BORA: variants seen among roughly 807,000 people sequenced by gnomAD.
BORA encodes the protein BORA aurora kinase A activator.
Under a neutral mutation model 55.8 loss-of-function variants are expected in BORA, and 26 were observed. The observed-to-expected ratio is 0.47, with a 90% confidence interval of 0.34 to 0.65. BORA has a LOEUF of 0.65. Ranked by LOEUF, BORA falls within the 30% of genes least tolerant of loss-of-function variation. The pLI is 0.01. For synonymous variants in BORA, 201 were observed against 216.9 expected, an observed-to-expected ratio of 0.93 and a Z score of 0.64; for missense variants, 568 against 671.5, an observed-to-expected ratio of 0.85 and a Z score of 1.70.
At chr13:72,739,285 TC>T (rs1383987426) in intron 5 of BORA, among the ~76,000 whole-genome samples, 1 of 152,190 alleles carries the variant, frequency 6.6e-6, no homozygotes. Context: ...ATTCCAAGTA[TC>T]CTGTTTTAGT....
At chr13:72,741,189 G>A (rs1306933973) in intron 5 of BORA, among the ~76,000 whole-genome samples, 2 of 152,118 alleles carry the variant, frequency 1.3e-5, no homozygotes, top group African/African-American at 2.4e-5. Flanking sequence ...AGAATATATC[G>A]TTACCTAATC....
At chr13:72,730,487 A>G (rs2032788257) in intron 2 of BORA, among the ~76,000 whole-genome samples, 1 of 152,228 alleles carries the variant, frequency 6.6e-6, no homozygotes, top group South Asian at 2.1e-4. Context: ...ATGGTTGAGT[A>G]CAGAAAGGCA....
At chr13:72,746,337 C>T (rs943865648) in intron 9 of BORA, among the ~76,000 whole-genome samples, 164 bp from the exon 10 acceptor site, 1 of 152,160 alleles carries the variant, frequency 6.6e-6, no homozygotes, top group African/African-American at 2.4e-5. Flanking sequence ...TTAGCAATTT[C>T]CATTTGTGCT....
At chr13:72,739,368 A>G (rs182776376) in intron 5 of BORA, among the ~76,000 whole-genome samples, 1 of 152,334 alleles carries the variant, frequency 6.6e-6, no homozygotes, top group East Asian at 1.9e-4. Flanking sequence ...AGCCCACGAT[A>G]ACAGTGCAGT....
At chr13:72,738,260 A>G (rs1426517400) in intron 5 of BORA, among the ~76,000 whole-genome samples, 1 of 152,088 alleles carries the variant, frequency 6.6e-6, no homozygotes, top group African/African-American at 2.4e-5. Flanking sequence ...CTTTTTCTTC[A>G]TGACTATTGT....
At chr13:72,744,951 CT>C in intron 7 of BORA, 29 bp from the exon 8 acceptor site, 1 of 1,584,624 alleles carries the variant, frequency 6.3e-7, no homozygotes, top group Non-Finnish European at 8.7e-7. Flanking sequence ...AAATGACTAG[CT>C]TTGCCTTTTC....
At chr13:72,732,014 T>C (rs2032830007) in intron 3 of BORA, among the ~76,000 whole-genome samples, 1 of 152,226 alleles carries the variant, frequency 6.6e-6, no homozygotes, top group African/African-American at 2.4e-5. Flanking sequence ...TTACAAAGTG[T>C]AAGGTCCTAT....
chr13:72,741,232 A>ATCTGCACAG (rs1235280675), intron 5 of BORA, among the ~76,000 whole-genome samples: 2 of 152,206 alleles, frequency 1.3e-5, no homozygotes, highest in Non-Finnish European at 2.9e-5. Context: ...TCTCTAGAAT[A>ATCTGCACAG]TCTGCACAGT....
intron 1 of BORA, among the ~76,000 whole-genome samples, chr13:72,728,668 C>G (rs750712103): frequency 1.4e-4 from 21 of 152,210 alleles, no homozygotes; most frequent in Non-Finnish European, 2.8e-4. Flanking sequence ...TGCGTATAAG[C>G]CACTTCACTT....
intron 3 of BORA, among the ~76,000 whole-genome samples, 184 bp downstream of exon 3, chr13:72,731,571 T>C (rs2032817899): frequency 6.6e-6 from 1 of 152,236 alleles, no homozygotes; most frequent in African/African-American, 2.4e-5. Flanking sequence ...TTGCCAACAG[T>C]TCCAGACCTG....
chr13:72,744,301 C>T (rs544662997), intron 6 of BORA, among the ~76,000 whole-genome samples: 2 of 152,260 alleles, frequency 1.3e-5, no homozygotes, highest in African/African-American at 2.4e-5. Context: ...ACTATTAACA[C>T]GTTTACACCA....
At chr13:72,733,110 T>G (rs2032852326) in intron 3 of BORA, among the ~76,000 whole-genome samples, 1 of 152,218 alleles carries the variant, frequency 6.6e-6, no homozygotes, top group African/African-American at 2.4e-5. Flanking sequence ...ATAATATAAT[T>G]CAATGAATGG....
intron 1 of BORA, 146 bp from the exon 2 acceptor site, chr13:72,728,779 CT>C: frequency 2.0e-5 from 12 of 611,564 alleles, no homozygotes; most frequent in Non-Finnish European, 2.6e-5. Context: ...ATATGTGATA[CT>C]TTTTTTGTAA....
At chr13:72,748,633 A>C (rs2033199245) in intron 10 of BORA, among the ~76,000 whole-genome samples, 1 of 152,232 alleles carries the variant, frequency 6.6e-6, no homozygotes, top group Non-Finnish European at 1.5e-5. Flanking sequence ...GCTTCTCTAA[A>C]GTTGGTTTCA....
intron 8 of BORA, among the ~76,000 whole-genome samples, chr13:72,745,626 A>C (rs1167854596): frequency 1.3e-5 from 2 of 152,340 alleles, no homozygotes; most frequent in East Asian, 3.9e-4. Context: ...TATTTACTAA[A>C]GTGTGTGAGA....
intron 4 of BORA, 103 bp downstream of exon 4, chr13:72,735,108 T>A: frequency 1.1e-6 from 1 of 909,720 alleles, no homozygotes; most frequent in South Asian, 1.5e-5. Context: ...CTGTCCTATC[T>A]CCCCTCCAAG....
At chr13:72,730,538 G>A (rs2032789191) in intron 2 of BORA, among the ~76,000 whole-genome samples, 1 of 152,186 alleles carries the variant, frequency 6.6e-6, no homozygotes, top group Admixed American at 6.5e-5. Context: ...GATCAACTAT[G>A]TTGTGAGCTT....
intron 3 of BORA, among the ~76,000 whole-genome samples, chr13:72,733,626 A>G (rs990749749): frequency 6.6e-6 from 1 of 152,172 alleles, no homozygotes; most frequent in Non-Finnish European, 1.5e-5. Context: ...TAAGCTTGTT[A>G]TGTGCTGCCA....
chr13:72,755,878 T>C lies in BORA; in HGVS notation c.*662T>C, dbSNP rs2033451345. The C allele has an allele frequency of 2.5e-6, 1 of 398,424 alleles. No homozygotes were observed. Among genetic ancestry groups the C allele is most frequent in the Non-Finnish European group, 4.4e-6 (1 of 226,048 alleles). 24.7% of individuals were successfully genotyped at this position (398,424 alleles called of 1,614,324 possible). A position where few individuals can be genotyped will look rare whatever the true frequency, so the allele number is the denominator to read the frequency against. On this transcript the variant is annotated 3_prime_UTR_variant, in exon 12 of 12. Transcript: ENST00000390667. ...AATGTGTGGTGCCCAGAATAAAATA[T>C]ACCTCATGCCTAGGGTAGGGACATC... is the stretch of plus-strand genomic sequence containing the variant.
Sources: gnomAD v4.1 joint callset for allele counts (sites outside exome capture counted in the v4.1 genomes callset) on GRCh38, gnomAD v4.1.1 for gene constraint, MANE v1.5 for transcripts, NCBI Gene and HGNC (gene_info 2026-07-23, HGNC 2026-07-21) for gene names.